Variants in UNC5D observed in about 807,000 individuals in gnomAD.
UNC5D encodes the protein netrin receptor UNC5D.
In UNC5D, 39 loss-of-function variants were observed where a neutral mutation model predicts 105.4. The observed-to-expected ratio is 0.37, with a 90% CI of 0.29 to 0.48. The LOEUF (loss-of-function observed/expected upper bound fraction) is 0.48, where lower values mean the gene tolerates loss of function less well. Ranked by LOEUF, UNC5D falls within the 20% of genes least tolerant of loss-of-function variation. The pLI is 0.98. For synonymous variants in UNC5D, 452 were observed against 450.4 expected (o/e 1.00, Z -0.04); for missense variants, 991 against 1,202.4 (o/e 0.82, Z 2.60).
intron 4 of UNC5D, among the ~76,000 whole-genome samples, chr8:35,650,761 G>T (rs375047548): frequency 1.9e-4 from 29 of 152,008 alleles, no homozygotes; most frequent in Non-Finnish European, 1.6e-4. Context: ...CATGAGCCAC[G>T]GTGCCCAGCC....
At chr8:35,574,456 T>A (rs1817957563) in intron 3 of UNC5D, among the ~76,000 whole-genome samples, 2 of 152,214 alleles carry the variant, frequency 1.3e-5, no homozygotes, top group South Asian at 4.1e-4. Context: ...AAAATAGCTA[T>A]GCAATTGTGC....
rs1033748055 is a variant in UNC5D at position 35,750,474 on chromosome 8, C to A, written c.1936-108C>A. The A allele has an allele frequency of 1.5e-5, 18 of 1,209,310 alleles. No homozygotes were observed. In the Admixed American group the frequency reaches 3.6e-4, roughly 24 times the overall value. The allele number at this position is 1,209,310 out of a possible 1,614,324, so 74.9% of individuals were successfully genotyped here. On this transcript the variant is annotated intron_variant, in intron 12 of 16. Coordinates refer to ENST00000404895, the MANE Select transcript of UNC5D (RefSeq NM_080872.4). The stretch of plus-strand genomic sequence containing the variant: ...GGGATAATTGGGCAATAGGACTATT[C>A]TGAAAACAAATTTATATTTGTGTGT...
intron 11 of UNC5D, among the ~76,000 whole-genome samples, 197 bp from the exon 12 acceptor site, chr8:35,748,330 T>C (rs1339328651): frequency 2.0e-5 from 3 of 152,202 alleles, no homozygotes; most frequent in African/African-American, 7.2e-5. Flanking sequence ...ATTTGAAATC[T>C]AGGCTTAAAC....
chr8:35,482,368 A>G (rs1008766716), intron 1 of UNC5D, among the ~76,000 whole-genome samples: 3 of 152,300 alleles, frequency 2.0e-5, no homozygotes, highest in African/African-American at 7.2e-5. Flanking sequence ...ACTAGAGCCA[A>G]AATTTGGGCA....
chr8:35,579,054 T>C (rs910669227), intron 3 of UNC5D, among the ~76,000 whole-genome samples: 1 of 152,200 alleles, frequency 6.6e-6, no homozygotes, highest in African/African-American at 2.4e-5. Flanking sequence ...AAAACCTCAG[T>C]AGAAGTTTAT....
chr8:35,622,329 G>A (rs761515710), intron 4 of UNC5D, among the ~76,000 whole-genome samples: 3 of 151,870 alleles, frequency 2.0e-5, no homozygotes, highest in Non-Finnish European at 4.4e-5. Context: ...CAACAGAGAG[G>A]GAGACTCTGT....
intron 1 of UNC5D, among the ~76,000 whole-genome samples, chr8:35,501,407 G>C (rs1262243423): frequency 6.6e-6 from 1 of 152,168 alleles, no homozygotes; most frequent in African/African-American, 2.4e-5. Context: ...GGGAAAGAAA[G>C]CTTTCAAATT....
At chr8:35,428,740 AC>A (rs1331793959) in intron 1 of UNC5D, among the ~76,000 whole-genome samples, 1 of 152,062 alleles carries the variant, frequency 6.6e-6, no homozygotes, top group African/African-American at 2.4e-5. Flanking sequence ...TTCTAACATC[AC>A]TTAACTGAAG....
At chr8:35,699,266 T>C (rs1827009443) in intron 7 of UNC5D, among the ~76,000 whole-genome samples, 2 of 151,996 alleles carry the variant, frequency 1.3e-5, no homozygotes, top group South Asian at 4.1e-4. Flanking sequence ...GTCCCCCCAG[T>C]TTGAAAGAAA....
At chr8:35,759,913 G>A (rs1394183439) in intron 14 of UNC5D, among the ~76,000 whole-genome samples, 1 of 152,164 alleles carries the variant, frequency 6.6e-6, no homozygotes, top group African/African-American at 2.4e-5. Context: ...GCTATGGCTA[G>A]CCAGGTGGAA....
chr8:35,351,119 T>C (rs1044630004), intron 1 of UNC5D, among the ~76,000 whole-genome samples: 1 of 152,026 alleles, frequency 6.6e-6, no homozygotes, highest in Non-Finnish European at 1.5e-5. Flanking sequence ...AACAGTAGCA[T>C]AAATATACTT....
In UNC5D at chr8:35,366,709, T is replaced by C. The variant is rs368876228; in HGVS notation, c.103+130822T>C. On this transcript the variant is annotated intron_variant, in intron 1 of 16. Transcript: ENST00000404895. Reference sequence around the variant, plus strand: ...ATTTAGGATGCTGGATAATGTGCATTCTAGATCCTTCTTCCCCTGAGTAAT... The same window carrying C: ...ATTTAGGATGCTGGATAATGTGCATCCTAGATCCTTCTTCCCCTGAGTAAT... Among the ~76,000 whole-genome samples the C allele has an allele frequency of 8.5e-5, 13 of 152,186 alleles. No individual in the cohort carries two copies. In the East Asian group the frequency reaches 2.1e-3, roughly 25 times the overall value.
chr8:35,468,536 C>T (rs1028261578), intron 1 of UNC5D, among the ~76,000 whole-genome samples: 4 of 152,092 alleles, frequency 2.6e-5, no homozygotes, highest in Admixed American at 2.0e-4. Context: ...TATAGAAAGC[C>T]GTGATTTCCC....
chr8:35,674,195 T>G (rs1032790745), intron 4 of UNC5D, among the ~76,000 whole-genome samples: 1 of 152,180 alleles, frequency 6.6e-6, no homozygotes, highest in South Asian at 2.1e-4. Flanking sequence ...TTAGGAGTGA[T>G]CATAAAAACC....
intron 1 of UNC5D, among the ~76,000 whole-genome samples, chr8:35,399,377 T>G (rs1038232820): frequency 1.3e-5 from 2 of 152,088 alleles, no homozygotes; most frequent in African/African-American, 4.8e-5. Context: ...GTCATATAGA[T>G]CTACAAGTTG....
At chr8:35,290,657 G>A (rs1365420072) in intron 1 of UNC5D, among the ~76,000 whole-genome samples, 3 of 152,044 alleles carry the variant, frequency 2.0e-5, no homozygotes, top group South Asian at 2.1e-4. Context: ...TTTAAAAAAA[G>A]AAGTGTGGAG....
chr8:35,735,937 A>C (rs988078828), intron 11 of UNC5D, among the ~76,000 whole-genome samples: 7 of 152,240 alleles, frequency 4.6e-5, no homozygotes, highest in African/African-American at 1.7e-4. Context: ...ATGAGATTAA[A>C]AGATGGGCCA....
chr8:35,455,281 CTT>C (rs55848948), intron 1 of UNC5D, among the ~76,000 whole-genome samples: 92 of 142,124 alleles, frequency 6.5e-4, no homozygotes, highest in Middle Eastern at 3.7e-3. Flanking sequence ...GGAATGGATA[CTT>C]TTTTTTTTTT....
At chr8:35,596,674 A>G (rs1384140186) in intron 4 of UNC5D, among the ~76,000 whole-genome samples, 1 of 152,212 alleles carries the variant, frequency 6.6e-6, no homozygotes, top group African/African-American at 2.4e-5. Flanking sequence ...AAAGCTGGAC[A>G]ACTGGAAGCA....
Sources: allele counts gnomAD v4.1 joint callset (sites outside exome capture counted in the v4.1 genomes callset), GRCh38; gene constraint gnomAD v4.1.1; transcripts MANE v1.5; gene names NCBI Gene and HGNC (gene_info 2026-07-23, HGNC 2026-07-21).